ZNF454: variants seen among roughly 807,000 people sequenced by gnomAD.
The protein encoded by ZNF454 is zinc finger protein 454.
Under a neutral mutation model 48.2 loss-of-function variants are expected in ZNF454, and 30 were observed. The observed-to-expected ratio is 0.62, with a 90% CI of 0.47 to 0.84. The LOEUF is 0.84. Among genes scored for constraint, ZNF454 ranks in the 40% least tolerant of loss-of-function variants. The probability of loss-of-function intolerance (pLI) is 0.00; values close to 1 mark genes in which losing one functional copy is unlikely to be tolerated. For missense variants in ZNF454, 510 were observed against 623.1 expected, an observed-to-expected ratio of 0.82 and a Z score of 1.93; for synonymous variants, 204 against 211.4, an observed-to-expected ratio of 0.97 and a Z score of 0.30.
chr5:178,952,913 CT>C (rs1460745667), intron 4 of ZNF454, among the ~76,000 whole-genome samples: 1 of 151,632 alleles, frequency 6.6e-6, no homozygotes, highest in Non-Finnish European at 1.5e-5. Context: ...TTTTTTCCCC[CT>C]TTTCTTTATT....
chr5:178,969,884 C>T (rs926798824), downstream of ZNF454, among the ~76,000 whole-genome samples: 4 of 152,194 alleles, frequency 2.6e-5, no homozygotes, highest in Admixed American at 6.5e-5. Context: ...AAAACAGTTG[C>T]TTTGGATTTC....
At chr5:178,984,096 A>C in the ZNF454 span, among the ~76,000 whole-genome samples, 1 of 152,192 alleles carries the variant, frequency 6.6e-6, no homozygotes, top group Non-Finnish European at 1.5e-5. Context: ...GGACCTTCCA[A>C]ATAAGTGGAT....
chr5:178,969,758 A>C (rs565373490), downstream of ZNF454: 33 of 420,248 alleles, frequency 7.9e-5, no homozygotes, highest in Middle Eastern at 3.8e-4. Flanking sequence ...GACCCATCAC[A>C]GTGCCAGCTC....
In ZNF454 at chr5:178,965,140, T is replaced by G; in HGVS notation, c.736T>G (p.Cys246Gly). The G allele has an allele frequency of 6.2e-7, 1 of 1,614,176 alleles. No homozygotes were observed. The highest frequency in any genetic ancestry group is 8.5e-7 in the Non-Finnish European group (1 of 1,180,034). Residue 246 changes from cysteine (C) to glycine (G), a missense_variant, in exon 5 of 5, where the codon TGT becomes GGT. Cys to Gly is a radical substitution (Grantham distance 159, BLOSUM62 -3). Transcript: ENST00000519564. This position sits in a 1 kb window ranked among gnomAD's most constrained non-coding sequence, Gnocchi z 5.2. ...TCACACTGGCGAGAAACCCTATGAA[T>G]GTAAGGAATGTGGCAAGGCCTTCTC... ...RIHTGEKPYE[C>G]KECGKAFSVS...
the ZNF454 span, chr5:178,983,577 A>G: frequency 2.3e-6 from 1 of 443,254 alleles, no homozygotes; most frequent in African/African-American, 2.0e-5. Context: ...TTCAAGGTAG[A>G]TGGATGTGGC....
At chr5:178,948,706 C>T (rs537424126) in intron 4 of ZNF454, among the ~76,000 whole-genome samples, 118 of 152,160 alleles carry the variant, frequency 7.8e-4, no homozygotes, top group African/African-American at 2.7e-3. Context: ...GCCAGTCAGA[C>T]GTCAGAGAAG....
chr5:178,942,230 C>T (rs1759124207), intron 1 of ZNF454, among the ~76,000 whole-genome samples: 1 of 152,146 alleles, frequency 6.6e-6, no homozygotes, highest in African/African-American at 2.4e-5. Context: ...ATGGTGAAAT[C>T]CCGGTCTCTA....
chr5:178,965,704 C>A lies in ZNF454; in HGVS notation c.1300C>A (p.His434Asn). 1 of 1,614,190 alleles carries A rather than the reference C, an allele frequency of 6.2e-7. No individual in the cohort carries two copies. Residue 434 changes from histidine (H) to asparagine (N), a missense_variant, in exon 5 of 5, where the codon CAT (histidine) becomes AAT (asparagine). Physicochemically the swap from His to Asn is moderately conservative, Grantham distance 68. Around this residue, in one of 3 missense-constraint regions of ZNF454, gnomAD observed 153 missense variants for 195.8 expected, o/e 0.78. Transcript: ENST00000519564. This position sits in a 1 kb window ranked among gnomAD's most constrained non-coding sequence, Gnocchi z 5.2. ...AGCACTAGCCCAACATCAGAGAATT[C>A]ATACTGGGGAAAAACCTTATACATG... Reference protein sequence around the residue: ...QSALAQHQRIHTGEKPYTCNI... With the variant: ...QSALAQHQRINTGEKPYTCNI...
At chr5:178,986,589 G>C in the ZNF454 span, 1 of 1,605,986 alleles carries the variant, frequency 6.2e-7, no homozygotes, top group Non-Finnish European at 8.5e-7. Context: ...GACAGGCCTC[G>C]CATGTGAACT....
At chr5:178,963,290 G>A (rs1011086462) in intron 4 of ZNF454, among the ~76,000 whole-genome samples, 1 of 151,738 alleles carries the variant, frequency 6.6e-6, no homozygotes, top group Non-Finnish European at 1.5e-5. Flanking sequence ...GGCCAGAAGT[G>A]GAAGTCAGTC....
chr5:178,950,760 A>G (rs936625682), intron 4 of ZNF454, among the ~76,000 whole-genome samples: 1 of 151,742 alleles, frequency 6.6e-6, no homozygotes, highest in Non-Finnish European at 1.5e-5. Flanking sequence ...TGTATTATCT[A>G]TTATTTTAAT....
rs941170969 is a variant in ZNF454 at position 178,966,245 on chromosome 5, T to A, written c.*272T>A. On this transcript the variant is annotated 3_prime_UTR_variant, in exon 5 of 5. Coordinates refer to ENST00000519564, the MANE Select transcript of ZNF454 (RefSeq NM_001178089.3). Reference sequence around the variant, plus strand: ...GTCAGGAGATCGAGACCATCCTGGCTAACAGGGTGAAACCCCATCGCTACT... The same window carrying A: ...GTCAGGAGATCGAGACCATCCTGGCAAACAGGGTGAAACCCCATCGCTACT... 7.3e-6 allele frequency: 2 copies of A among 273,176 alleles called. No individual in the cohort carries two copies. Among genetic ancestry groups the A allele is most frequent in the Non-Finnish European group, 1.4e-5 (2 of 145,004 alleles). 16.9% of individuals were successfully genotyped at this position (273,176 alleles called of 1,614,324 possible). A position where few individuals can be genotyped will look rare whatever the true frequency, so the allele number is the denominator to read the frequency against.
the ZNF454 span, chr5:178,985,589 G>A: frequency 3.4e-5 from 12 of 349,176 alleles, no homozygotes; most frequent in Middle Eastern, 7.7e-4. Flanking sequence ...TGTAGTCCCA[G>A]CTACTCGGGA....
At chr5:178,986,203 C>T in the ZNF454 span, 144 of 1,613,944 alleles carry the variant, frequency 8.9e-5, no homozygotes, top group Middle Eastern at 3.3e-4. Context: ...TGTGACCGAG[C>T]GCTTGCCCTG....
intron 4 of ZNF454, among the ~76,000 whole-genome samples, chr5:178,962,269 ATC>A (rs1760032905): frequency 6.6e-6 from 1 of 151,076 alleles, no homozygotes; most frequent in African/African-American, 2.4e-5. Flanking sequence ...AAGGTAGTGT[ATC>A]ATTTGTTTTT....
chr5:178,979,868 C>T, the ZNF454 span: 1 of 154,340 alleles, frequency 6.5e-6, no homozygotes, highest in African/African-American at 2.4e-5. Flanking sequence ...TATACAATCA[C>T]GAGGGTGGAA....
chr5:178,967,366 C>T (rs903411623), downstream of ZNF454, among the ~76,000 whole-genome samples: 6 of 152,236 alleles, frequency 3.9e-5, no homozygotes, highest in African/African-American at 1.4e-4. Context: ...CCTGGCTGTA[C>T]AGTCCACTGT....
intron 4 of ZNF454, among the ~76,000 whole-genome samples, chr5:178,949,975 G>A (rs1157967612): frequency 1.3e-5 from 2 of 151,914 alleles, no homozygotes; most frequent in African/African-American, 4.8e-5. Context: ...ATGATAATAG[G>A]TTTTCAAGGA....
At chr5:178,989,666 A>G in the ZNF454 span, 1 of 570,456 alleles carries the variant, frequency 1.8e-6, no homozygotes, top group Non-Finnish European at 3.1e-6. Flanking sequence ...TGGAGGTTCC[A>G]GGGTAGCACT....
Sources: allele counts gnomAD v4.1 joint callset (sites outside exome capture counted in the v4.1 genomes callset), GRCh38; gene constraint gnomAD v4.1.1; regional missense constraint gnomAD v4.1.1; non-coding constraint Gnocchi (gnomAD v3.1); transcripts MANE v1.5; gene names NCBI Gene and HGNC (gene_info 2026-07-23, HGNC 2026-07-21).